Variants in SNX2 observed in about 807,000 individuals in gnomAD.
SNX2 encodes the protein sorting nexin 2, also known as sorting nexin-2.
SNX2 carries 25 observed loss-of-function variants against 69.9 expected under a neutral mutation model. That is an observed-to-expected ratio of 0.36 (90% CI 0.26 to 0.50). The LOEUF (loss-of-function observed/expected upper bound fraction) is 0.50. Ranked by LOEUF, SNX2 falls within the 20% of genes least tolerant of loss-of-function variation. The probability of loss-of-function intolerance (pLI) is 0.97; values close to 1 mark genes in which losing one functional copy is unlikely to be tolerated. For synonymous variants in SNX2, 229 were observed against 200.4 expected, an observed-to-expected ratio of 1.14 and a Z score of -1.20; for missense variants, 551 against 613.3, an observed-to-expected ratio of 0.90 and a Z score of 1.07.
intron 1 of SNX2, among the ~76,000 whole-genome samples, chr5:122,776,451 G>C (rs1206635108): frequency 6.6e-6 from 1 of 151,960 alleles, no homozygotes; most frequent in Non-Finnish European, 1.5e-5. Context: ...TGGTGCAAAA[G>C]TAATTGTGGT....
intron 1 of SNX2, among the ~76,000 whole-genome samples, chr5:122,788,623 C>G (rs1167596457): frequency 6.6e-6 from 1 of 152,190 alleles, no homozygotes; most frequent in East Asian, 1.9e-4. Flanking sequence ...TGCACTAACA[C>G]TTTGCTCTTC....
chr5:122,777,732 T>TA (rs1289743195), intron 1 of SNX2, among the ~76,000 whole-genome samples: 4 of 152,230 alleles, frequency 2.6e-5, no homozygotes, highest in Non-Finnish European at 5.9e-5. Flanking sequence ...TGTACATACT[T>TA]ATGGAGTACA....
rs1265091678 is a variant in SNX2, at chr5:122,817,471, AAG to A, written c.1006+104_1006+105del. The A allele has an allele frequency of 1.8e-5, 14 of 762,072 alleles. No individual in the cohort carries two copies. The South Asian group carries it at 3.0e-4, about 16-fold the overall frequency. The allele number at this position is 762,072 out of a possible 1,614,324, so 47.2% of individuals were successfully genotyped here. A position where few individuals can be genotyped will look rare whatever the true frequency, so the allele number is the denominator to read the frequency against. Reference sequence around the variant, plus strand: ...AATAAATATTCTGAAGTTATTGCAGAAGAGAGAAAACAATCATTTAAGACAAT... The same window carrying A: ...AATAAATATTCTGAAGTTATTGCAGAAGAGAAAACAATCATTTAAGACAAT... On this transcript the variant is annotated intron_variant, in intron 10 of 14. Coordinates refer to ENST00000379516, the MANE Select transcript of SNX2 (RefSeq NM_003100.4).
intron 10 of SNX2, 93 bp downstream of exon 10, chr5:122,817,466 T>G: frequency 1.3e-6 from 1 of 776,264 alleles, no homozygotes; most frequent in African/African-American, 1.8e-5. Flanking sequence ...CTGAAGTTAT[T>G]GCAGAAGAGA....
chr5:122,823,997 CGA>C (rs1754090305), intron 11 of SNX2, among the ~76,000 whole-genome samples: 1 of 151,872 alleles, frequency 6.6e-6, no homozygotes, highest in Admixed American at 6.6e-5. Context: ...ATCAGGAGAT[CGA>C]GACCATCCTG....
At chr5:122,784,406 C>T (rs1413739117) in intron 1 of SNX2, among the ~76,000 whole-genome samples, 1 of 151,624 alleles carries the variant, frequency 6.6e-6, no homozygotes, top group African/African-American at 2.4e-5. Context: ...AGTTTTTATC[C>T]ATGAACGGAT....
In SNX2 at chr5:122,824,666, G is replaced by A. The variant is rs76758654; in HGVS notation, c.1213-1384G>A. ...CCTTTGGAAAAATGCTTTGGTTTCT[G>A]GTTGATTGGATTTTTTAATGCTATT... On this transcript the variant is annotated intron_variant, in intron 11 of 14. Coordinates refer to ENST00000379516, the MANE Select transcript of SNX2 (RefSeq NM_003100.4). Among the ~76,000 whole-genome samples the A allele has an allele frequency of 2.3e-3, 354 of 152,180 alleles. 1 individual carries two copies. Among genetic ancestry groups the A allele is most frequent in the African/African-American group, 8.1e-3 (335 of 41,536 alleles).
chr5:122,803,661 C>T, intron 6 of SNX2, 48 bp downstream of exon 6: 2 of 1,431,996 alleles, frequency 1.4e-6, no homozygotes, highest in South Asian at 2.6e-5. Flanking sequence ...GTTACTAGTT[C>T]AGTTTTAACT....
At chr5:122,783,737 C>T (rs1311109037) in intron 1 of SNX2, among the ~76,000 whole-genome samples, 1 of 152,040 alleles carries the variant, frequency 6.6e-6, no homozygotes, top group Non-Finnish European at 1.5e-5. Flanking sequence ...TTAAAAATTG[C>T]CTTGGCTATT....
At chr5:122,819,964 A>G (rs1753983421) in intron 11 of SNX2, among the ~76,000 whole-genome samples, 1 of 152,210 alleles carries the variant, frequency 6.6e-6, no homozygotes, top group Non-Finnish European at 1.5e-5. Context: ...TGGTAAAATT[A>G]CCAATTTTAC....
At chr5:122,814,226 A>T (rs1335087637) in intron 7 of SNX2, among the ~76,000 whole-genome samples, 1 of 152,196 alleles carries the variant, frequency 6.6e-6, no homozygotes, top group African/African-American at 2.4e-5. Context: ...ACAACGAAAT[A>T]ACTTATCTGA....
At chr5:122,806,142 G>GCGCACGCGCACTCACACACACACA in intron 6 of SNX2, among the ~76,000 whole-genome samples, 1 of 130,584 alleles carries the variant, frequency 7.7e-6, no homozygotes. Context: ...ACACGCGCGC[G>GCGCACGCGCACTCACACACACACA]CACACACACA....
At chr5:122,825,988 AGTGT>A in intron 11 of SNX2, 58 bp from the exon 12 acceptor site, 2 of 1,466,120 alleles carry the variant, frequency 1.4e-6, no homozygotes, top group Non-Finnish European at 1.9e-6. Flanking sequence ...TAACACTTCT[AGTGT>A]TAAGAAAGTA....
At chr5:122,794,375 G>C (rs1451350271) in intron 1 of SNX2, among the ~76,000 whole-genome samples, 1 of 152,184 alleles carries the variant, frequency 6.6e-6, no homozygotes, top group Non-Finnish European at 1.5e-5. Flanking sequence ...TAAATGTCTT[G>C]AGAGGTCACA....
intron 1 of SNX2, among the ~76,000 whole-genome samples, chr5:122,777,819 T>C (rs1033741907): frequency 6.6e-6 from 1 of 152,224 alleles, no homozygotes; most frequent in African/African-American, 2.4e-5. Context: ...CCTCAAACGT[T>C]TATCAGTTCT....
At chr5:122,821,456 CTT>C (rs1004929924) in intron 11 of SNX2, among the ~76,000 whole-genome samples, 1 of 149,108 alleles carries the variant, frequency 6.7e-6, no homozygotes, top group African/African-American at 2.5e-5. Flanking sequence ...AGTAGATGTC[CTT>C]TTTTTTTTTT....
At chr5:122,777,020 T>C (rs1752872379) in intron 1 of SNX2, among the ~76,000 whole-genome samples, 1 of 152,208 alleles carries the variant, frequency 6.6e-6, no homozygotes, top group Admixed American at 6.5e-5. Flanking sequence ...GGTGTGGCTA[T>C]GAGATTTGTA....
upstream of SNX2, chr5:122,775,033 G>T (rs562642409): frequency 2.1e-6 from 3 of 1,406,766 alleles, no homozygotes; most frequent in East Asian, 3.0e-5. Flanking sequence ...GGGTCGGCGC[G>T]GGCCCAGCCG....
intron 1 of SNX2, among the ~76,000 whole-genome samples, chr5:122,784,320 G>C (rs946357170): frequency 3.3e-5 from 5 of 151,026 alleles, no homozygotes; most frequent in African/African-American, 9.7e-5. Context: ...CAGGATATAA[G>C]ATGTTATCTG....
Sources: gnomAD v4.1 joint callset for allele counts (sites outside exome capture counted in the v4.1 genomes callset) on GRCh38, gnomAD v4.1.1 for gene constraint, MANE v1.5 for transcripts, NCBI Gene and HGNC (gene_info 2026-07-23, HGNC 2026-07-21) for gene names.